The following CDH8 variants were observed in gnomAD, a reference collection of about 807,000 sequenced individuals.
CDH8 encodes cadherin-8.
A neutral mutation model predicts 68.1 loss-of-function variants in CDH8; 17 were observed. That is an observed-to-expected ratio of 0.25 (90% CI 0.17 to 0.37). The LOEUF (loss-of-function observed/expected upper bound fraction) is 0.37. CDH8 is among the 10% of genes least tolerant of loss of function. CDH8 has a pLI of 1.00. For missense variants in CDH8, 763 were observed against 999.3 expected, an observed-to-expected ratio of 0.76 and a Z score of 3.19; for synonymous variants, 372 against 365.1, an observed-to-expected ratio of 1.02 and a Z score of -0.21.
intron 2 of CDH8, among the ~76,000 whole-genome samples, chr16:61,928,690 T>C (rs1309439519): frequency 1.3e-5 from 2 of 152,176 alleles, no homozygotes; most frequent in African/African-American, 2.4e-5. Flanking sequence ...AGACACACTA[T>C]GAAAATGGGT....
At chr16:61,959,993 TA>T (rs1965069139) in intron 2 of CDH8, among the ~76,000 whole-genome samples, 1 of 76,304 alleles carries the variant, frequency 1.3e-5, no homozygotes, top group African/African-American at 8.9e-5. Context: ...TGTATATATA[TA>T]TATATATATA....
chr16:61,855,709 T>A (rs1056087284), intron 4 of CDH8, among the ~76,000 whole-genome samples: 1 of 152,146 alleles, frequency 6.6e-6, no homozygotes, highest in Admixed American at 6.6e-5. Context: ...GTGCCATAGT[T>A]ATTACCTATT....
At chr16:61,887,409 T>C (rs920589852) in intron 3 of CDH8, among the ~76,000 whole-genome samples, 25 of 152,168 alleles carry the variant, frequency 1.6e-4, no homozygotes, top group Non-Finnish European at 4.4e-5. Context: ...AGCAGAAATT[T>C]ATTTTCTCAC....
intron 2 of CDH8, among the ~76,000 whole-genome samples, chr16:61,915,582 G>A (rs1964226071): frequency 6.6e-6 from 1 of 152,106 alleles, no homozygotes; most frequent in African/African-American, 2.4e-5. Context: ...CTGAAACCAA[G>A]GACTCCACTG....
intron 7 of CDH8, among the ~76,000 whole-genome samples, chr16:61,808,508 G>A (rs1961857880): frequency 6.6e-6 from 1 of 152,112 alleles, no homozygotes; most frequent in Non-Finnish European, 1.5e-5. Flanking sequence ...GCTTTTTCTG[G>A]CAGATTCAAC....
chr16:61,751,976 T>C (rs1960179411), intron 8 of CDH8, among the ~76,000 whole-genome samples: 2 of 152,132 alleles, frequency 1.3e-5, no homozygotes, highest in South Asian at 4.1e-4. Context: ...ATTCAATAAA[T>C]ATTTATTGAA....
chr16:61,939,346 C>T (rs1964676615), intron 2 of CDH8, among the ~76,000 whole-genome samples: 1 of 152,106 alleles, frequency 6.6e-6, no homozygotes, highest in Non-Finnish European at 1.5e-5. Context: ...TCTAAGTCTT[C>T]CAGATTATCA....
rs540215208 is a variant in CDH8, at chr16:61,915,950, C to T, written c.253-14477G>A. 1.3e-3 allele frequency among the ~76,000 whole-genome samples: 199 copies of T among 152,244 alleles called. 2 individuals are homozygous for T. In the Middle Eastern group the frequency reaches 0.014, roughly 10 times the overall value. On this transcript the variant is annotated intron_variant, in intron 2 of 11. Transcript: ENST00000577390. ...TACTAGCTGTACTTGGCAAATCAGA[C>T]CCTATCAATGGGAAATACTGATTTC...
chr16:62,013,901 G>GA (rs1901877174), intron 2 of CDH8, among the ~76,000 whole-genome samples: 3 of 152,090 alleles, frequency 2.0e-5, no homozygotes, highest in Non-Finnish European at 4.4e-5. Context: ...TGCTTCAAGT[G>GA]GGAAAAATAT....
intron 10 of CDH8, among the ~76,000 whole-genome samples, chr16:61,665,143 A>T (rs1025502503): frequency 6.6e-6 from 1 of 151,994 alleles, no homozygotes; most frequent in East Asian, 2.0e-4. Context: ...TGTCCTTATA[A>T]GAAGAGACAC....
At chr16:61,914,901 T>C (rs1203345674) in intron 2 of CDH8, among the ~76,000 whole-genome samples, 1 of 152,200 alleles carries the variant, frequency 6.6e-6, no homozygotes, top group Non-Finnish European at 1.5e-5. Flanking sequence ...TGTGTTAGAC[T>C]TCTAACTGAC....
chr16:61,849,258 C>G (rs1342743434), intron 4 of CDH8, among the ~76,000 whole-genome samples: 1 of 151,724 alleles, frequency 6.6e-6, no homozygotes, highest in African/African-American at 2.4e-5. Context: ...TTTGAAAGAC[C>G]TGTCTCCCGC....
intron 2 of CDH8, among the ~76,000 whole-genome samples, chr16:61,979,055 G>GAA (rs201715855): frequency 1.8e-5 from 2 of 109,578 alleles, no homozygotes; most frequent in Non-Finnish European, 2.0e-5. Context: ...CTTCTAGAAA[G>GAA]AAAAAAAAAA....
At chr16:61,767,452 A>T (rs2142979733) in intron 8 of CDH8, among the ~76,000 whole-genome samples, 1 of 152,060 alleles carries the variant, frequency 6.6e-6, no homozygotes, top group South Asian at 2.1e-4. Flanking sequence ...AATACCAGCC[A>T]TGGACCATTT....
intron 3 of CDH8, among the ~76,000 whole-genome samples, chr16:61,898,485 G>A (rs558678870): frequency 1.3e-5 from 2 of 152,134 alleles, no homozygotes; most frequent in Non-Finnish European, 2.9e-5. Flanking sequence ...GGTAAGAAAA[G>A]AATCAAATGA....
intron 9 of CDH8, among the ~76,000 whole-genome samples, chr16:61,716,880 C>T (rs989802393): frequency 2.0e-5 from 3 of 151,678 alleles, no homozygotes; most frequent in Admixed American, 6.6e-5. Context: ...ACTAATGAGG[C>T]TAAAGTTTTC....
chr16:61,938,166 T>C (rs1766985151), intron 2 of CDH8, among the ~76,000 whole-genome samples: 1 of 152,132 alleles, frequency 6.6e-6, no homozygotes, highest in African/African-American at 2.4e-5. Context: ...TGAGTGTGTA[T>C]CTCACTGATT....
intron 8 of CDH8, among the ~76,000 whole-genome samples, chr16:61,768,405 TCTCTCTCTCTCTCTCTCTCTCTCC>T (rs1339517782): frequency 5.1e-5 from 7 of 137,070 alleles, no homozygotes; most frequent in Non-Finnish European, 1.1e-4. Context: ...CCTTTCTCTC[TCTCTCTCTCTCTCTCTCTCTCTCC>T]CTCTCCCTCT....
At chr16:61,908,042 CAA>C (rs547459147) in intron 2 of CDH8, among the ~76,000 whole-genome samples, 31,169 of 90,382 alleles carry the variant, frequency 0.34, 3,607 homozygotes, top group African/African-American at 0.52. Flanking sequence ...GACTCAGTCT[CAA>C]AAAAAAAAAA....
Sources: gnomAD v4.1 joint callset for allele counts (sites outside exome capture counted in the v4.1 genomes callset) on GRCh38, gnomAD v4.1.1 for gene constraint, MANE v1.5 for transcripts, NCBI Gene and HGNC (gene_info 2026-07-23, HGNC 2026-07-21) for gene names.